The following TSPAN14 variants were observed in gnomAD, a reference collection of about 807,000 sequenced individuals.
TSPAN14 encodes the protein tetraspanin 14, also known as tetraspanin-14.
A neutral mutation model predicts 36.6 loss-of-function variants in TSPAN14; 16 were observed. The observed-to-expected ratio is 0.44, with a 90% CI of 0.30 to 0.66. The LOEUF (loss-of-function observed/expected upper bound fraction) is 0.66. Among genes scored for constraint, TSPAN14 ranks in the 30% least tolerant of loss-of-function variants. TSPAN14 has a pLI of 0.12. For synonymous variants in TSPAN14, 139 were observed against 143.8 expected (o/e 0.97, Z 0.24); for missense variants, 231 against 355.1 (o/e 0.65, Z 2.81).
intron 2 of TSPAN14, among the ~76,000 whole-genome samples, chr10:80,498,162 G>C (rs572074855): frequency 6.6e-6 from 1 of 152,268 alleles, no homozygotes; most frequent in East Asian, 1.9e-4. Flanking sequence ...CTATTCAATC[G>C]TCAGCATTTC....
intron 1 of TSPAN14, among the ~76,000 whole-genome samples, chr10:80,481,568 G>T (rs1026182301): frequency 6.6e-6 from 1 of 152,168 alleles, no homozygotes; most frequent in African/African-American, 2.4e-5. Context: ...AGCATGAGGG[G>T]TGGCTTGCAG....
At chr10:80,499,512 A>G (rs142078732) in intron 2 of TSPAN14, among the ~76,000 whole-genome samples, 1 of 152,058 alleles carries the variant, frequency 6.6e-6, no homozygotes, top group African/African-American at 2.4e-5. Flanking sequence ...TGGAATTCCT[A>G]CATCCCCGGG....
chr10:80,473,186 A>C (rs897129326), intron 1 of TSPAN14, among the ~76,000 whole-genome samples: 1 of 152,204 alleles, frequency 6.6e-6, no homozygotes, highest in African/African-American at 2.4e-5. Context: ...TTCCAGGCCC[A>C]GTGCTTCTCC....
At chr10:80,488,636 A>G (rs561279257) in intron 1 of TSPAN14, among the ~76,000 whole-genome samples, 6 of 152,274 alleles carry the variant, frequency 3.9e-5, no homozygotes, top group African/African-American at 9.6e-5. Flanking sequence ...AAAATGTTGC[A>G]TGAATGAGTA....
chr10:80,496,786 T>C (rs1848219324), intron 2 of TSPAN14, among the ~76,000 whole-genome samples: 1 of 152,180 alleles, frequency 6.6e-6, no homozygotes, highest in Admixed American at 6.5e-5. Context: ...AATATTGTAG[T>C]TTCTATTTCT....
chr10:80,478,068 T>G (rs1441625842), intron 1 of TSPAN14, among the ~76,000 whole-genome samples: 2 of 151,778 alleles, frequency 1.3e-5, no homozygotes, highest in Non-Finnish European at 2.9e-5. Context: ...ACTAGATGGC[T>G]AAAGAAAGTG....
At chr10:80,459,501 G>GT (rs146626710) in intron 1 of TSPAN14, 1,680 of 154,194 alleles carry the variant, frequency 0.011, 29 homozygotes, top group African/African-American at 0.038. Context: ...TGGGATTCTG[G>GT]TAAGAGGTGA....
At chr10:80,470,366 G>T (rs925629870) in intron 1 of TSPAN14, among the ~76,000 whole-genome samples, 4 of 152,206 alleles carry the variant, frequency 2.6e-5, no homozygotes, top group African/African-American at 9.6e-5. Flanking sequence ...GGTGTGAACC[G>T]CTGCGCCCAG....
chr10:80,496,366 G>A (rs190982790), intron 2 of TSPAN14, among the ~76,000 whole-genome samples: 7 of 152,034 alleles, frequency 4.6e-5, no homozygotes, highest in African/African-American at 9.7e-5. Context: ...AAAATAGTTC[G>A]CATATGCATA....
intron 2 of TSPAN14, among the ~76,000 whole-genome samples, chr10:80,497,979 C>T (rs1284775512): frequency 3.3e-5 from 5 of 152,180 alleles, no homozygotes; most frequent in African/African-American, 7.2e-5. Flanking sequence ...ATAAGGAAGC[C>T]GAGCCCTAGC....
intron 1 of TSPAN14, 75 bp downstream of exon 1, chr10:80,454,446 C>G (rs1214149580): frequency 1.3e-5 from 2 of 152,026 alleles, no homozygotes. Context: ...CTTCCCCGAG[C>G]GTTCTCCGGG....
At chr10:80,469,611 C>T (rs1397560925) in intron 1 of TSPAN14, among the ~76,000 whole-genome samples, 1 of 152,202 alleles carries the variant, frequency 6.6e-6, no homozygotes, top group Non-Finnish European at 1.5e-5. Context: ...GATTTCCTCT[C>T]AGCCTTTTCC....
At chr10:80,498,162 G>A (rs572074855) in intron 2 of TSPAN14, among the ~76,000 whole-genome samples, 10 of 152,268 alleles carry the variant, frequency 6.6e-5, no homozygotes, top group African/African-American at 7.2e-5. Context: ...CTATTCAATC[G>A]TCAGCATTTC....
chr10:80,504,717 G>A lies in TSPAN14; in HGVS notation c.82-11G>A, dbSNP rs372499088. 9 of 1,614,012 alleles carry A rather than the reference G, an allele frequency of 5.6e-6. No individual in the cohort carries two copies. Among genetic ancestry groups the A allele is most frequent in the Non-Finnish European group, 6.8e-6 (8 of 1,180,002 alleles). ...CCTAACTTCCTTCTCTCTTTCCTCT[G>A]CCCCGCTTAGTTGGCTGGAGTTGTC... On this transcript the variant is annotated splice_polypyrimidine_tract_variant and intron_variant, in intron 2 of 8. Coordinates refer to ENST00000429989, the Ensembl canonical transcript of TSPAN14.
chr10:80,489,254 T>C, exon 2 of TSPAN14: 1 of 1,585,214 alleles, frequency 6.3e-7, no homozygotes, highest in Non-Finnish European at 8.6e-7. Context: ...ATAGATACTC[T>C]AACGCCAAGG....
In TSPAN14 at chr10:80,495,460, A is replaced by C. The variant is rs189979399; in HGVS notation, c.81+6146A>C. On this transcript the variant is annotated intron_variant, in intron 2 of 8. Transcript: ENST00000429989. ...TTAATCAGAAACTCCACTAGAACTT[A>C]AGGAGTGGCCTGTGGTGCTGATGCC... 3.3e-5 allele frequency among the ~76,000 whole-genome samples: 5 copies of C among 152,170 alleles called. No homozygotes were observed. The East Asian group carries it at 9.7e-4, about 29-fold the overall frequency.
intron 6 of TSPAN14, among the ~76,000 whole-genome samples, chr10:80,513,183 G>C (rs1840752460): frequency 1.3e-5 from 2 of 152,192 alleles, no homozygotes; most frequent in African/African-American, 4.8e-5. Context: ...ACAGGTGTGG[G>C]CCGCTGTGCC....
At chr10:80,496,186 C>T (rs917170924) in intron 2 of TSPAN14, among the ~76,000 whole-genome samples, 2 of 152,124 alleles carry the variant, frequency 1.3e-5, no homozygotes, top group Middle Eastern at 3.4e-3. Context: ...GATTGGTGTT[C>T]TTATTTTTAT....
intron 2 of TSPAN14, among the ~76,000 whole-genome samples, chr10:80,492,815 CAA>C (rs58273280): frequency 3.0e-5 from 4 of 131,924 alleles, no homozygotes; most frequent in African/African-American, 1.1e-4. Context: ...GACTCAGTCT[CAA>C]AAAAAAAAAA....
Sources: gnomAD v4.1 joint callset for allele counts (sites outside exome capture counted in the v4.1 genomes callset) on GRCh38, gnomAD v4.1.1 for gene constraint, MANE v1.5 for transcripts, NCBI Gene and HGNC (gene_info 2026-07-23, HGNC 2026-07-21) for gene names.